Variants in NEB observed in about 807,000 individuals in gnomAD.
The protein encoded by NEB is nemaline myopathy type 2.
Under a neutral mutation model 952.2 loss-of-function variants are expected in NEB, and 512 were observed. That is an observed-to-expected ratio of 0.54 (90% CI 0.50 to 0.58). NEB has a LOEUF of 0.58. NEB is among the 20% of genes least tolerant of loss of function. The probability of loss-of-function intolerance (pLI) is 0.00; values close to 1 mark genes in which losing one functional copy is unlikely to be tolerated. For missense variants in NEB, 8,428 were observed against 9,231.1 expected, an observed-to-expected ratio of 0.91 and a Z score of 3.56; for synonymous variants, 2,900 against 3,149.8, an observed-to-expected ratio of 0.92 and a Z score of 2.66.
chr2:151,685,053 A>C, intron 27 of NEB, 78 bp from the exon 28 acceptor site: 1 of 1,383,414 alleles, frequency 7.2e-7, no homozygotes, highest in Non-Finnish European at 1.0e-6. Flanking sequence ...TTCATAAACA[A>C]TAAATACAAG....
rs1234674294 is a variant in NEB, at chr2:151,696,711, T to C, written c.1495A>G (p.Lys499Glu). ...TCTGTAACTTGGGTGAATTTTGTCT[T>C]ATCTGGATGGACTTTGTAGGTGTGC... is the stretch of plus-strand genomic sequence containing the variant. The part of the protein sequence containing the change: ...KDHTYKVHPD[K>E]TKFTQVTDSP... The change falls in exon 17 of 182, where the codon AAG becomes GAG. Residue 499 changes from lysine to glutamate, a missense_variant. Coordinates refer to ENST00000397345, the MANE Select transcript of NEB (RefSeq NM_001164508.2). The C allele has an allele frequency of 8.1e-6, 13 of 1,613,810 alleles. No homozygotes were observed. The highest frequency in any genetic ancestry group is 1.1e-5 in the Non-Finnish European group (13 of 1,179,774).
chr2:151,573,045 G>A (rs563449440), intron 107 of NEB, among the ~76,000 whole-genome samples: 48 of 152,192 alleles, frequency 3.2e-4, no homozygotes, highest in East Asian at 1.9e-4. Flanking sequence ...TCACTTTAAC[G>A]TGAATTTGCT....
At chr2:151,661,967 G>A (rs1409788805) in intron 46 of NEB, among the ~76,000 whole-genome samples, 168 bp downstream of exon 46, 1 of 152,002 alleles carries the variant, frequency 6.6e-6, no homozygotes, top group Non-Finnish European at 1.5e-5. Flanking sequence ...CTACTAGTTA[G>A]AAATAATTCC....
chr2:151,659,011 T>C, intron 47 of NEB, 54 bp downstream of exon 47: 1 of 1,218,702 alleles, frequency 8.2e-7, no homozygotes, highest in Non-Finnish European at 1.2e-6. Flanking sequence ...AATTTGTTCT[T>C]ACTGGTTCAA....
At chr2:151,520,497 C>G in intron 153 of NEB, among the ~76,000 whole-genome samples, 1 of 152,106 alleles carries the variant, frequency 6.6e-6, no homozygotes, top group Admixed American at 6.6e-5. Context: ...ATGCCTTGCA[C>G]TAATAGTTGC....
chr2:151,611,896 T>G (rs1034656459), intron 78 of NEB, among the ~76,000 whole-genome samples: 1 of 152,112 alleles, frequency 6.6e-6, no homozygotes, highest in African/African-American at 2.4e-5. Context: ...GGAGAATGTG[T>G]GAGGAAGGGT....
chr2:151,645,921 C>A (rs1434156762), intron 55 of NEB, among the ~76,000 whole-genome samples: 1 of 152,186 alleles, frequency 6.6e-6, no homozygotes, highest in Non-Finnish European at 1.5e-5. Flanking sequence ...CTGCAAGGAA[C>A]AGAGAATACA....
intron 73 of NEB, among the ~76,000 whole-genome samples, chr2:151,618,792 A>C (rs1184025488): frequency 1.3e-5 from 2 of 152,212 alleles, no homozygotes; most frequent in Non-Finnish European, 2.9e-5. Flanking sequence ...GTAGTCTAAT[A>C]GCTCCAAATA....
chr2:151,559,006 C>T (rs2095847898), intron 124 of NEB, among the ~76,000 whole-genome samples: 1 of 152,130 alleles, frequency 6.6e-6, no homozygotes, highest in Admixed American at 6.5e-5. Flanking sequence ...AAAAGGCAAC[C>T]TACAGAATGG....
intron 68 of NEB, among the ~76,000 whole-genome samples, chr2:151,628,615 C>T (rs747090172): frequency 1.9e-4 from 29 of 151,952 alleles, no homozygotes; most frequent in Admixed American, 2.6e-4. Flanking sequence ...CCGAGGGAGG[C>T]GGATCGCCTG....
chr2:151,511,285 C>T (rs1227623909), intron 161 of NEB, among the ~76,000 whole-genome samples: 1 of 152,184 alleles, frequency 6.6e-6, no homozygotes, highest in Non-Finnish European at 1.5e-5. Flanking sequence ...TGCATCCCTA[C>T]CCTTCAAAGA....
intron 64 of NEB, 150 bp downstream of exon 64, chr2:151,636,076 AT>A: frequency 2.9e-6 from 2 of 681,922 alleles, no homozygotes; most frequent in East Asian, 3.0e-5. Context: ...CAAGATTTTC[AT>A]TTCCCTTAAA....
intron 150 of NEB, 69 bp downstream of exon 150, chr2:151,525,889 C>T (rs1186139434): frequency 3.3e-6 from 4 of 1,222,632 alleles, no homozygotes; most frequent in Non-Finnish European, 4.9e-6. Context: ...AGGCAACTGA[C>T]ATTATTTCAC....
At position 151,538,166 on chromosome 2, in the gene NEB, G is replaced by A. The variant is rs901568718; in HGVS notation, c.20971C>T (p.Arg6991Cys). Reference sequence around the variant, plus strand: ...TTACTGATGTCATCTGTGACTTTGCGATGATAGACAATGTCTAGGGCATCT... The same window carrying A: ...TTACTGATGTCATCTGTGACTTTGCAATGATAGACAATGTCTAGGGCATCT... ...VKDALDIVYH[R>C]KVTDDISKIK... The change falls in exon 139 of 182, where the codon CGC (arginine) becomes TGC (cysteine). Residue 6991 changes from arginine to cysteine, a missense_variant. Arg to Cys is a radical substitution (Grantham distance 180). This residue lies in a region of NEB where 3,374 missense variants were observed against 3,651.5 expected (regional missense o/e 0.92). Coordinates refer to ENST00000397345, the MANE Select transcript of NEB (RefSeq NM_001164508.2). The A allele has an allele frequency of 7.4e-6, 12 of 1,611,786 alleles. No individual in the cohort carries two copies. The highest frequency in any genetic ancestry group is 1.7e-5 in the Admixed American group (1 of 59,978).
rs2099762184 is a variant in NEB at position 151,717,453 on chromosome 2, A to G, written c.785T>C (p.Ile262Thr). ...QFTPLADPPD[I>T]EFAKKVTNQV... ...ATTGGTTACTTTCTTGGCAAATTCT[A>G]TATCTGGAGGATCAGCCAGAGGCGT... is the stretch of plus-strand genomic sequence containing the variant. Residue 262 changes from isoleucine to threonine, a missense_variant, in exon 10 of 182, where the codon ATA (isoleucine) becomes ACA (threonine). This residue lies in a region of NEB where 2,851 missense variants were observed against 2,791.5 expected (regional missense o/e 1.02). Coordinates refer to ENST00000397345, the MANE Select transcript of NEB (RefSeq NM_001164508.2). 4.3e-6 allele frequency: 7 copies of G among 1,613,896 alleles called. No individual in the cohort carries two copies. The highest frequency in any genetic ancestry group is 1.1e-5 in the South Asian group (1 of 91,080).
chr2:151,601,118 T>C (rs927159075), intron 88 of NEB, among the ~76,000 whole-genome samples: 1 of 130,512 alleles, frequency 7.7e-6, no homozygotes, highest in Non-Finnish European at 1.6e-5. Flanking sequence ...TTTTTTTTTT[T>C]TTTTTTTGAG....
chr2:151,643,184 A>C lies in NEB; in HGVS notation c.8126T>G (p.Val2709Gly), dbSNP rs751475190. 14 of 1,613,598 alleles carry C rather than the reference A, an allele frequency of 8.7e-6. No homozygotes were observed. The South Asian group carries it at 1.5e-4, about 18-fold the overall frequency. ...FSSLMDSIPM[V>G]LAKNNAITMN... ...GGTAATAGCATTGTTTTTTGCCAAA[A>C]CCATTGGTATGGAATCCATAAGGCT... Residue 2709 changes from valine (V) to glycine (G), a missense_variant, in exon 58 of 182, where the codon GTT (valine) becomes GGT (glycine). Val to Gly is a moderately radical substitution (Grantham distance 109, BLOSUM62 -3). Transcript: ENST00000397345.
rs565002768 is a variant in NEB at position 151,680,913 on chromosome 2, C to T, written c.2944-85G>A. 6.4e-5 allele frequency: 71 copies of T among 1,104,094 alleles called. 1 individual carries two copies. The highest frequency in any genetic ancestry group is 3.6e-4 in the South Asian group (28 of 77,382). 68.4% of individuals were successfully genotyped at this position (1,104,094 alleles called of 1,614,324 possible). ...AAAATCCTTGAAATTTATTTTGAAG[C>T]GAAAAGGAAGAGTTTTTCATGATTT... On this transcript the variant is annotated intron_variant, in intron 29 of 181. Transcript: ENST00000397345.
intron 171 of NEB, 33 bp from the exon 172 acceptor site, chr2:151,497,066 C>G: frequency 3.9e-6 from 6 of 1,545,576 alleles, no homozygotes; most frequent in Non-Finnish European, 3.5e-6. Flanking sequence ...GAAAAACAAC[C>G]ATGAGTAACA....
Sources: allele counts gnomAD v4.1 joint callset (sites outside exome capture counted in the v4.1 genomes callset), GRCh38; gene constraint gnomAD v4.1.1; regional missense constraint gnomAD v4.1.1; transcripts MANE v1.5; gene names NCBI Gene and HGNC (gene_info 2026-07-23, HGNC 2026-07-21).